The following SHPK variants were observed in gnomAD, a reference collection of about 807,000 sequenced individuals.
SHPK encodes the protein carbohydrate kinase-like protein.
In SHPK, 51 loss-of-function variants were observed where a neutral mutation model predicts 46.3. The ratio of observed to expected loss-of-function variants is 1.10; its 90% CI spans 0.88 to 1.39. The LOEUF (loss-of-function observed/expected upper bound fraction) is 1.39, where lower values mean the gene tolerates loss of function less well. Among genes scored for constraint, SHPK ranks in the 40% most tolerant of loss-of-function variants. The pLI is 0.00. For synonymous variants in SHPK, 290 were observed against 273.9 expected, an observed-to-expected ratio of 1.06 and a Z score of -0.58; for missense variants, 668 against 641.3, an observed-to-expected ratio of 1.04 and a Z score of -0.45.
Position 3,614,353 on chromosome 17 carries a change from C to G in SHPK, c.1024+984G>C, listed in dbSNP as rs142066616. Among the ~76,000 whole-genome samples, 1,445 of 151,780 alleles carry G rather than the reference C, an allele frequency of 9.5e-3. 50 individuals are homozygous for G. The highest frequency in any genetic ancestry group is 0.055 in the Admixed American group (834 of 15,232). On this transcript the variant is annotated intron_variant, in intron 6 of 6. Coordinates refer to ENST00000225519, the MANE Select transcript of SHPK (RefSeq NM_013276.4). The stretch of plus-strand genomic sequence containing the variant: ...TCCTGGCTAACACGGTGAAACCCCA[C>G]CTCTACTAAAAATACAAAAAAATTA...
chr17:3,625,533 C>A (rs1272289213), intron 2 of SHPK, among the ~76,000 whole-genome samples: 1 of 152,182 alleles, frequency 6.6e-6, no homozygotes, highest in East Asian at 1.9e-4. Flanking sequence ...CAGCCTCCAG[C>A]CTTCCCACCA....
chr17:3,620,565 C>CGTTTT, intron 5 of SHPK, among the ~76,000 whole-genome samples: 1 of 150,638 alleles, frequency 6.6e-6, no homozygotes, highest in South Asian at 2.1e-4. Context: ...TGCGCCCGGC[C>CGTTTT]GTTTTGTTTT....
At position 3,624,157 on chromosome 17, in the gene SHPK, C is replaced by A. The variant is rs1442832488; in HGVS notation, c.385G>T (p.Asp129Tyr). The A allele has an allele frequency of 6.2e-7, 1 of 1,614,196 alleles. No homozygotes were observed. Among genetic ancestry groups the A allele is most frequent in the East Asian group, 2.2e-5 (1 of 44,888 alleles). ...RAVSHLVTWQDGRCSSEFLAS... is the reference protein window; with the variant it reads ...RAVSHLVTWQYGRCSSEFLAS... ...AGGAATTCGCTGCTACATCGGCCAT[C>A]CTGCCACGTGACCAGGTGGCTAACA... The change falls in exon 3 of 7, where the codon GAT becomes TAT. Residue 129 changes from aspartate to tyrosine, a missense_variant. Coordinates refer to ENST00000225519, the MANE Select transcript of SHPK (RefSeq NM_013276.4).
At position 3,624,049 on chromosome 17, in the gene SHPK, G is replaced by A. The variant is rs200632887; in HGVS notation, c.493C>T (p.Arg165Cys). The change falls in exon 3 of 7, where the codon CGC becomes TGC. Residue 165 changes from arginine to cysteine, a missense_variant and splice_region_variant. By Grantham distance (180) the Arg-to-Cys change is radical. Coordinates refer to ENST00000225519, the MANE Select transcript of SHPK (RefSeq NM_013276.4). The stretch of plus-strand genomic sequence containing the variant: ...GAGTGAAAGTGCAGTTGCCCGTACC[G>A]ATATTTCAAAAGCCAGAAGATGGTT... ...CATIFWLLKY[R>C]PEFLKSYDAA... The A allele has an allele frequency of 3.4e-5, 55 of 1,601,264 alleles. No individual in the cohort carries two copies. The Admixed American group carries it at 5.7e-4, about 17-fold the overall frequency.
At chr17:3,620,998 AG>A (rs1358427990) in intron 5 of SHPK, among the ~76,000 whole-genome samples, 1 of 152,186 alleles carries the variant, frequency 6.6e-6, no homozygotes, top group African/African-American at 2.4e-5. Flanking sequence ...CCAGCCCCAG[AG>A]GTGGTCAGCA....
At chr17:3,622,522 A>G (rs1422239270) in intron 4 of SHPK, 1 of 924,122 alleles carries the variant, frequency 1.1e-6, no homozygotes, top group Non-Finnish European at 1.3e-6. Flanking sequence ...AACTTCACAC[A>G]ACATGCTGGA....
intron 5 of SHPK, among the ~76,000 whole-genome samples, chr17:3,617,261 A>G (rs759662318): frequency 4.6e-5 from 7 of 152,198 alleles, no homozygotes; most frequent in East Asian, 3.9e-4. Flanking sequence ...GCAAACGGGC[A>G]TAAGTACCCA....
At position 3,621,180 on chromosome 17, in the gene SHPK, G is replaced by A; in HGVS notation, c.823+57C>T. On this transcript the variant is annotated intron_variant, in intron 5 of 6. Transcript: ENST00000225519. ...TGCCCTGCAGACTCGCACAGAGCTG[G>A]TGCTTATGAGGCAGGCGACAGTGTA... The A allele has an allele frequency of 2.1e-6, 3 of 1,437,436 alleles. No homozygotes were observed. In the Admixed American group the frequency reaches 6.6e-5, roughly 31 times the overall value. 89.0% of individuals were successfully genotyped at this position (1,437,436 alleles called of 1,614,324 possible).
chr17:3,630,401 G>A, intron 1 of SHPK, 55 bp from the exon 2 acceptor site: 1 of 1,534,974 alleles, frequency 6.5e-7, no homozygotes, highest in East Asian at 2.3e-5. Context: ...AGGGGGAGGG[G>A]CGCAGGCCTC....
intron 3 of SHPK, 28 bp downstream of exon 3, chr17:3,624,020 A>G: frequency 6.3e-7 from 1 of 1,579,496 alleles, no homozygotes; most frequent in Non-Finnish European, 8.7e-7. Context: ...GAAACCCAGC[A>G]CCCGAGTGAA....
chr17:3,610,950 A>G lies in SHPK; in HGVS notation c.1047T>C (p.Thr349=), dbSNP rs146719464. Residue 349 remains threonine, a synonymous_variant, in exon 7 of 7, where the codon ACT becomes ACC. Coordinates refer to ENST00000225519, the MANE Select transcript of SHPK (RefSeq NM_013276.4). ...ADLGLEVEES[T]VYSRMIQAAV... ...CTGCCTGAATCATGCGTGAATACAC[A>G]GTGGATTCTTCAACCTCCAGGCCTG... 2.3e-5 allele frequency: 37 copies of G among 1,608,108 alleles called. No homozygotes were observed. Among genetic ancestry groups the G allele is most frequent in the Non-Finnish European group, 3.1e-5 (36 of 1,175,406 alleles).
Position 3,615,476 on chromosome 17 carries a change from T to G in SHPK, c.885A>C (p.Ala295=). Residue 295 remains alanine, a synonymous_variant, in exon 6 of 7, where the codon GCA becomes GCC. Transcript: ENST00000225519. Reference sequence around the variant, plus strand: ...CTGGGGCCGTAGGGTCTGGAGTCTGTGCAGGCTGGAATCCTGAAGGCATGG... The same window carrying G: ...CTGGGGCCGTAGGGTCTGGAGTCTGGGCAGGCTGGAATCCTGAAGGCATGG... The part of the protein sequence containing the change: ...AASMPSGFQP[A]QTPDPTAPVA... The G allele has an allele frequency of 6.2e-7, 1 of 1,614,124 alleles. No homozygotes were observed. Among genetic ancestry groups the G allele is most frequent in the African/African-American group, 1.3e-5 (1 of 75,018 alleles).
intron 1 of SHPK, 115 bp from the exon 2 acceptor site, chr17:3,630,461 T>C: frequency 9.0e-7 from 1 of 1,114,676 alleles, no homozygotes; most frequent in South Asian, 1.6e-5. Context: ...ACTCCCTAAC[T>C]TCACAGTTGA....
chr17:3,626,008 G>C (rs374968202), intron 2 of SHPK, among the ~76,000 whole-genome samples: 1 of 152,026 alleles, frequency 6.6e-6, no homozygotes, highest in African/African-American at 2.4e-5. Context: ...AGCTGAGATC[G>C]CACCACTGCA....
intron 2 of SHPK, among the ~76,000 whole-genome samples, chr17:3,624,985 T>G (rs2150872421): frequency 6.9e-6 from 1 of 144,032 alleles, no homozygotes; most frequent in Middle Eastern, 3.5e-3. Context: ...CAAATTTACT[T>G]TAAAATCATC....
intron 5 of SHPK, among the ~76,000 whole-genome samples, chr17:3,620,453 A>T (rs161367): frequency 0.37 from 56,503 of 150,838 alleles, 12,283 homozygotes; most frequent in East Asian, 0.68. Context: ...TTTTTAATAC[A>T]GATGGGGTTT....
At chr17:3,627,098 C>T (rs948513905) in intron 2 of SHPK, among the ~76,000 whole-genome samples, 4 of 152,066 alleles carry the variant, frequency 2.6e-5, no homozygotes, top group Non-Finnish European at 5.9e-5. Flanking sequence ...CCAGGAGTAA[C>T]CTATTGGTAT....
intron 2 of SHPK, 152 bp downstream of exon 2, chr17:3,630,053 G>T: frequency 1.1e-6 from 1 of 916,860 alleles, no homozygotes; most frequent in Non-Finnish European, 1.7e-6. Context: ...GCTCACCCAC[G>T]CAGGAGGCAG....
chr17:3,612,877 G>A (rs752658695), intron 6 of SHPK, among the ~76,000 whole-genome samples: 8 of 151,586 alleles, frequency 5.3e-5, no homozygotes, highest in Admixed American at 1.3e-4. Context: ...TCAGCCTCCC[G>A]AGTAGCTGGG....
Sources: gnomAD v4.1 joint callset for allele counts (sites outside exome capture counted in the v4.1 genomes callset) on GRCh38, gnomAD v4.1.1 for gene constraint, MANE v1.5 for transcripts, NCBI Gene and HGNC (gene_info 2026-07-23, HGNC 2026-07-21) for gene names.